The following PKHD1 variants were observed in gnomAD, a reference collection of about 807,000 sequenced individuals.
PKHD1 encodes the protein fibrocystin.
PKHD1 carries 291 observed loss-of-function variants against 412.0 expected under a neutral mutation model. The observed-to-expected ratio is 0.71, with a 90% confidence interval of 0.64 to 0.78. The LOEUF is 0.78. PKHD1 is among the 30% of genes least tolerant of loss of function. The pLI is 0.00. For missense variants in PKHD1, 4,825 were observed against 4,950.7 expected (o/e 0.97, Z 0.76); for synonymous variants, 1,777 against 1,821.5 (o/e 0.98, Z 0.62).
chr6:51,918,171 A>G (rs71570554), intron 37 of PKHD1, among the ~76,000 whole-genome samples: 2 of 111,596 alleles, frequency 1.8e-5, no homozygotes, highest in African/African-American at 8.3e-5. Flanking sequence ...AGTTATAAAA[A>G]CAAATATATA....
rs1772473107 is a variant in PKHD1, at chr6:51,659,522, T to A, written c.10604A>T (p.Tyr3535Phe). The part of the protein sequence containing the change: ...LLLNESIGAN[Y>F]FNIMDNLLYV... ...CAAGAGGTTATCCATGATGTTGAAA[T>A]AGTTGGCACCAATAGATTCATTCAG... Residue 3535 changes from tyrosine (Y) to phenylalanine (F), a missense_variant, in exon 61 of 67, where the codon TAT becomes TTT. Physicochemically the swap from Tyr to Phe is conservative, Grantham distance 22. Transcript: ENST00000371117. The A allele has an allele frequency of 1.9e-6, 3 of 1,613,632 alleles. No individual in the cohort carries two copies. Among genetic ancestry groups the A allele is most frequent in the Non-Finnish European group, 2.5e-6 (3 of 1,179,790 alleles).
At chr6:52,033,523 C>T (rs1344831862) in intron 28 of PKHD1, among the ~76,000 whole-genome samples, 3 of 151,964 alleles carry the variant, frequency 2.0e-5, no homozygotes, top group Non-Finnish European at 4.4e-5. Context: ...CTAAACTATC[C>T]ATCAAGTATG....
At chr6:52,000,125 T>C (rs1798180653) in intron 35 of PKHD1, among the ~76,000 whole-genome samples, 1 of 152,228 alleles carries the variant, frequency 6.6e-6, no homozygotes, top group Non-Finnish European at 1.5e-5. Context: ...CATATTGACA[T>C]ATCACAGTTT....
chr6:51,726,274 C>T (rs148696984), intron 60 of PKHD1, among the ~76,000 whole-genome samples: 19 of 152,284 alleles, frequency 1.2e-4, no homozygotes, highest in South Asian at 4.1e-4. Flanking sequence ...GTGGATGAGG[C>T]CAATCCTGGC....
At chr6:51,971,515 C>G (rs989298869) in intron 35 of PKHD1, among the ~76,000 whole-genome samples, 1 of 152,088 alleles carries the variant, frequency 6.6e-6, no homozygotes, top group Non-Finnish European at 1.5e-5. Flanking sequence ...TGATGCAGAC[C>G]TTTCTTTTGC....
intron 23 of PKHD1, among the ~76,000 whole-genome samples, chr6:52,047,443 T>G (rs6926116): frequency 0.12 from 18,868 of 152,190 alleles, 1,170 homozygotes; most frequent in Middle Eastern, 0.22. Flanking sequence ...ATACAGCCCC[T>G]CTCAAGTTCT....
chr6:51,808,220 G>A (rs537714996), intron 52 of PKHD1, among the ~76,000 whole-genome samples: 1 of 152,168 alleles, frequency 6.6e-6, no homozygotes, highest in South Asian at 2.1e-4. Context: ...TACAAAGGGA[G>A]TGAATAAAAA....
chr6:51,860,109 C>A (rs1196990232), intron 48 of PKHD1, among the ~76,000 whole-genome samples: 1 of 152,214 alleles, frequency 6.6e-6, no homozygotes, highest in Non-Finnish European at 1.5e-5. Flanking sequence ...GCAGCACCAG[C>A]TTTCTGTAGT....
intron 37 of PKHD1, among the ~76,000 whole-genome samples, chr6:51,914,264 T>G (rs565442149): frequency 6.6e-6 from 1 of 152,246 alleles, no homozygotes; most frequent in African/African-American, 2.4e-5. Flanking sequence ...ATGAAAAAAT[T>G]CACAGATAAT....
chr6:51,885,290 T>C (rs1778030444), intron 45 of PKHD1, among the ~76,000 whole-genome samples: 1 of 152,190 alleles, frequency 6.6e-6, no homozygotes, highest in South Asian at 2.1e-4. Flanking sequence ...TCTTTTCCTT[T>C]AAGAAAAAAA....
chr6:51,900,732 G>C (rs1244434482), intron 43 of PKHD1, among the ~76,000 whole-genome samples: 1 of 151,384 alleles, frequency 6.6e-6, no homozygotes, highest in African/African-American at 2.4e-5. Flanking sequence ...GAGTGAACAG[G>C]CAACCTACAA....
In PKHD1 at chr6:51,615,749, A is replaced by G. The variant is rs1173596333; in HGVS notation, c.*3332T>C. 27 of 152,246 alleles carry G rather than the reference A, an allele frequency of 1.8e-4. No homozygotes were observed. The highest frequency in any genetic ancestry group is 1.7e-3 in the Admixed American group (26 of 15,284). The allele number at this position is 152,246 out of a possible 1,614,324, so 9.4% of individuals were successfully genotyped here. A position where few individuals can be genotyped will look rare whatever the true frequency, so the allele number is the denominator to read the frequency against. ...TAAGACTGATAGATGGAAGGGAGTC[A>G]TTCAACTAAATTGTTGAAAGGGGAA... On this transcript the variant is annotated 3_prime_UTR_variant, in exon 67 of 67. Transcript: ENST00000371117.
At chr6:52,015,960 C>T (rs1453070049) in intron 34 of PKHD1, among the ~76,000 whole-genome samples, 1 of 152,178 alleles carries the variant, frequency 6.6e-6, no homozygotes, top group Non-Finnish European at 1.5e-5. Flanking sequence ...CTTCAGCCAT[C>T]CCATACAATG....
chr6:51,699,319 G>A lies in PKHD1; in HGVS notation c.10157-39350C>T, dbSNP rs529953377. ...AGTTTTTCCTTTTCCAGAACGCTACGCAGTTGCAATCATACAGGATGTGTA... is the reference window on the plus strand; with the variant it reads ...AGTTTTTCCTTTTCCAGAACGCTACACAGTTGCAATCATACAGGATGTGTA... On this transcript the variant is annotated intron_variant, in intron 60 of 66. Coordinates refer to ENST00000371117, the MANE Select transcript of PKHD1 (RefSeq NM_138694.4). 9.2e-5 allele frequency among the ~76,000 whole-genome samples: 14 copies of A among 152,180 alleles called. No homozygotes were observed. The South Asian group carries it at 2.7e-3, about 29-fold the overall frequency.
chr6:52,026,433 C>A (rs1290679978), intron 31 of PKHD1, among the ~76,000 whole-genome samples: 1 of 152,148 alleles, frequency 6.6e-6, no homozygotes, highest in Non-Finnish European at 1.5e-5. Flanking sequence ...ACAAACTTTT[C>A]AAGTACCTTT....
chr6:51,664,648 T>A lies in PKHD1; in HGVS notation c.10157-4679A>T, dbSNP rs1486784588. Among the ~76,000 whole-genome samples, 4 of 152,214 alleles carry A rather than the reference T, an allele frequency of 2.6e-5. No homozygotes were observed. In the East Asian group the frequency reaches 7.7e-4, roughly 29 times the overall value. Reference sequence around the variant, plus strand: ...TCTCTAGTTGCCATATTGTTATTATTAAGCACTGTGTTAAAACTAGAGATC... The same window carrying A: ...TCTCTAGTTGCCATATTGTTATTATAAAGCACTGTGTTAAAACTAGAGATC... On this transcript the variant is annotated intron_variant, in intron 60 of 66. Coordinates refer to ENST00000371117, the MANE Select transcript of PKHD1 (RefSeq NM_138694.4).
intron 66 of PKHD1, among the ~76,000 whole-genome samples, chr6:51,624,485 C>T (rs979490358): frequency 6.6e-6 from 1 of 152,154 alleles, no homozygotes; most frequent in Admixed American, 6.6e-5. Flanking sequence ...GAAGCTAAAG[C>T]AGCCAGCAGA....
At chr6:51,689,969 C>T (rs1777939083) in intron 60 of PKHD1, among the ~76,000 whole-genome samples, 1 of 152,154 alleles carries the variant, frequency 6.6e-6, no homozygotes, top group African/African-American at 2.4e-5. Context: ...CATTGAAATT[C>T]TTCACAGAAC....
chr6:51,830,913 T>C lies in PKHD1; in HGVS notation c.8250A>G (p.Gly2750=), dbSNP rs746690623. 1 of 1,612,548 alleles carries C rather than the reference T, an allele frequency of 6.2e-7. No individual in the cohort carries two copies. Among genetic ancestry groups the C allele is most frequent in the Admixed American group, 1.7e-5 (1 of 59,924 alleles). ...GGCCTGGAATGGTATTGTTGTATCC[T>C]CCCCAGCCTTCTTCAACACCTTGCC... is the stretch of plus-strand genomic sequence containing the variant. The part of the protein sequence containing the change: ...ETWQGVEEGW[G]GYNNTIPGPG... The change falls in exon 52 of 67, where the codon GGA becomes GGG. Residue 2750 remains glycine (G), a synonymous_variant. Transcript: ENST00000371117.
Sources: allele counts gnomAD v4.1 joint callset (sites outside exome capture counted in the v4.1 genomes callset), GRCh38; gene constraint gnomAD v4.1.1; transcripts MANE v1.5; gene names NCBI Gene and HGNC (gene_info 2026-07-23, HGNC 2026-07-21).